The following CST7 variants were observed in gnomAD, a reference collection of about 807,000 sequenced individuals.
CST7 encodes the protein cystatin-F.
Under a neutral mutation model 13.1 loss-of-function variants are expected in CST7, and 15 were observed. The ratio of observed to expected loss-of-function variants is 1.14; its 90% CI spans 0.77 to 1.76. CST7 has a LOEUF of 1.76. CST7 is among the 40% of genes most tolerant of loss of function. The pLI, the probability that CST7 is intolerant of heterozygous loss-of-function variation, is 0.00. For synonymous variants in CST7, 75 were observed against 66.9 expected, an observed-to-expected ratio of 1.12 and a Z score of -0.59; for missense variants, 193 against 178.8, an observed-to-expected ratio of 1.08 and a Z score of -0.45.
intron 1 of CST7, among the ~76,000 whole-genome samples, chr20:24,955,059 A>G (rs939176292): frequency 6.6e-6 from 1 of 152,122 alleles, no homozygotes; most frequent in Non-Finnish European, 1.5e-5. Context: ...CAACAACAAA[A>G]AAAAACGCTA....
intron 1 of CST7, among the ~76,000 whole-genome samples, chr20:24,955,828 C>T (rs1008181490): frequency 5.3e-5 from 8 of 152,156 alleles, no homozygotes; most frequent in Non-Finnish European, 1.0e-4. Context: ...GGCATGCCAG[C>T]GCAGGACACA....
chr20:24,950,656 G>A (rs1423601059), intron 1 of CST7, among the ~76,000 whole-genome samples: 1 of 152,206 alleles, frequency 6.6e-6, no homozygotes, highest in Non-Finnish European at 1.5e-5. Flanking sequence ...GCTGACCCAT[G>A]GCTGGCAGAA....
At chr20:24,959,498 T>A in intron 3 of CST7, 137 bp from the exon 4 acceptor site, 1 of 718,238 alleles carries the variant, frequency 1.4e-6, no homozygotes, top group Non-Finnish European at 2.4e-6. Context: ...TCTTTCAAGT[T>A]TTCTGTAGGT....
intron 1 of CST7, 98 bp from the exon 2 acceptor site, chr20:24,957,189 C>A: frequency 8.0e-7 from 1 of 1,252,048 alleles, no homozygotes; most frequent in Non-Finnish European, 1.1e-6. Flanking sequence ...ACACACACGC[C>A]AGCAGAGAAC....
At position 24,949,494 on chromosome 20, in the gene CST7, A is replaced by G; in HGVS notation, c.-12A>G. 6.2e-7 allele frequency: 1 copy of G among 1,613,814 alleles called. No homozygotes were observed. The highest frequency in any genetic ancestry group is 8.5e-7 in the Non-Finnish European group (1 of 1,179,968). On this transcript the variant is annotated 5_prime_UTR_variant, in exon 1 of 4. Transcript: ENST00000480798. ...CCCCCAACTGCCCCGCACTGTCCCTACCCGGGCAGCCATGCGAGCGGCTGG... is the reference window on the plus strand; with the variant it reads ...CCCCCAACTGCCCCGCACTGTCCCTGCCCGGGCAGCCATGCGAGCGGCTGG...
intron 1 of CST7, among the ~76,000 whole-genome samples, chr20:24,955,091 G>A (rs1380138927): frequency 1.3e-5 from 2 of 151,772 alleles, no homozygotes. Context: ...AAAATACACT[G>A]AACACATGCT....
chr20:24,959,142 C>A, intron 3 of CST7, 98 bp downstream of exon 3: 6 of 956,338 alleles, frequency 6.3e-6, no homozygotes, highest in South Asian at 4.3e-5. Flanking sequence ...TCTAACGCAG[C>A]GCCCCAAACC....
intron 1 of CST7, among the ~76,000 whole-genome samples, chr20:24,955,096 CATGCTACCCCTTCCAT>C (rs2087845052): frequency 1.3e-5 from 2 of 151,980 alleles, no homozygotes; most frequent in Non-Finnish European, 2.9e-5. Flanking sequence ...ACACTGAACA[CATGCTACCCCTTCCAT>C]ACACGTGTCT....
At chr20:24,951,711 A>G (rs1053384908) in intron 1 of CST7, among the ~76,000 whole-genome samples, 2 of 152,118 alleles carry the variant, frequency 1.3e-5, no homozygotes, top group Non-Finnish European at 2.9e-5. Context: ...CTCCACACCC[A>G]TGCACTGAAC....
At chr20:24,957,586 A>G in intron 2 of CST7, 127 bp downstream of exon 2, 1 of 926,378 alleles carries the variant, frequency 1.1e-6, no homozygotes, top group Non-Finnish European at 1.7e-6. Context: ...CTCTGAGCAG[A>G]AAGCAGATGC....
In CST7 at chr20:24,957,267, T is replaced by C; in HGVS notation, c.71-20T>C. 2 of 1,608,490 alleles carry C rather than the reference T, an allele frequency of 1.2e-6. No individual in the cohort carries two copies. Among genetic ancestry groups the C allele is most frequent in the Non-Finnish European group, 1.7e-6 (2 of 1,177,244 alleles). On this transcript the variant is annotated intron_variant, in intron 1 of 3. Transcript: ENST00000480798. ...CCCCACTAACATCAGTGTTCTTGTC[T>C]GGCTCTTTGTCTCTTTCAGATACTT...
chr20:24,957,521 G>A lies in CST7; in HGVS notation c.243+62G>A, dbSNP rs576574848. The A allele has an allele frequency of 2.0e-3, 2,965 of 1,514,326 alleles. 4 individuals carry two copies. Among genetic ancestry groups the A allele is most frequent in the Non-Finnish European group, 2.3e-3 (2,523 of 1,102,244 alleles). The allele number at this position is 1,514,326 out of a possible 1,614,324, so 93.8% of individuals were successfully genotyped here. ...CCCTAGGAAGCCGAGCTGCTACAAC[G>A]CGACACCTAGGAGAGCAGGGCGGAT... is the stretch of plus-strand genomic sequence containing the variant. On this transcript the variant is annotated intron_variant, in intron 2 of 3. Transcript: ENST00000480798.
At chr20:24,949,682 G>A in intron 1 of CST7, 107 bp downstream of exon 1, 1 of 1,422,060 alleles carries the variant, frequency 7.0e-7, no homozygotes, top group Non-Finnish European at 9.6e-7. Context: ...AGCCCCCACA[G>A]GACCATGCGG....
intron 2 of CST7, among the ~76,000 whole-genome samples, chr20:24,958,510 AG>A (rs1365352252): frequency 1.3e-5 from 2 of 152,346 alleles, no homozygotes; most frequent in African/African-American, 4.8e-5. Context: ...CAAGTGGAGA[AG>A]GGCTGTCCAG....
chr20:24,955,446 C>CT (rs777745036), intron 1 of CST7, among the ~76,000 whole-genome samples: 3,014 of 133,394 alleles, frequency 0.023, 50 homozygotes, highest in East Asian at 0.054. Context: ...GGCCTAAAGT[C>CT]TTTTTTTTTT....
Position 24,959,892 on chromosome 20 carries a change from AAC to A in CST7, c.*182_*183del, listed in dbSNP as rs112969765. On this transcript the variant is annotated 3_prime_UTR_variant, in exon 4 of 4. Coordinates refer to ENST00000480798, the MANE Select transcript of CST7 (RefSeq NM_003650.4). ...GAATGGCAGCATGGTAGCACCTCCT[AAC>A]AGATTAAATAGATCACATTTGCTTC... 1,358 of 613,410 alleles carry A rather than the reference AAC, an allele frequency of 2.2e-3. 18 individuals carry two copies. The African/African-American group carries it at 0.022, about 10-fold the overall frequency. The allele number at this position is 613,410 out of a possible 1,614,324, so 38.0% of individuals were successfully genotyped here. A position where few individuals can be genotyped will look rare whatever the true frequency, so the allele number is the denominator to read the frequency against.
rs2087803725 is a variant in CST7, at chr20:24,949,280, C to G, written c.-226C>G. Reference sequence around the variant, plus strand: ...GGCTGGGACAGCCCACTGTTCCATGCTGCCCAAGAAGGCTCAGCACAGGCA... The same window carrying G: ...GGCTGGGACAGCCCACTGTTCCATGGTGCCCAAGAAGGCTCAGCACAGGCA... On this transcript the variant is annotated 5_prime_UTR_variant, in exon 1 of 4. Transcript: ENST00000480798. 1 of 1,366,386 alleles carries G rather than the reference C, an allele frequency of 7.3e-7. No homozygotes were observed. Among genetic ancestry groups the G allele is most frequent in the Non-Finnish European group, 9.8e-7 (1 of 1,020,162 alleles). The allele number at this position is 1,366,386 out of a possible 1,614,324, so 84.6% of individuals were successfully genotyped here. A position where few individuals can be genotyped will look rare whatever the true frequency, so the allele number is the denominator to read the frequency against.
rs140113054 is a variant in CST7 at position 24,957,154 on chromosome 20, C to T, written c.71-133C>T. Reference sequence around the variant, plus strand: ...TGACAGGGGTAGGTAAGAGGGGGAGCAGGTGAGGGGTGGGTAGGGCCAGGA... The same window carrying T: ...TGACAGGGGTAGGTAAGAGGGGGAGTAGGTGAGGGGTGGGTAGGGCCAGGA... On this transcript the variant is annotated intron_variant, in intron 1 of 3. Coordinates refer to ENST00000480798, the MANE Select transcript of CST7 (RefSeq NM_003650.4). 6.7e-5 allele frequency: 35 copies of T among 518,816 alleles called. No homozygotes were observed. The East Asian group carries it at 1.6e-3, about 23-fold the overall frequency. The allele number at this position is 518,816 out of a possible 1,614,324, so 32.1% of individuals were successfully genotyped here.
At chr20:24,951,294 G>A (rs542430363) in intron 1 of CST7, among the ~76,000 whole-genome samples, 39 of 152,324 alleles carry the variant, frequency 2.6e-4, no homozygotes, top group African/African-American at 8.4e-4. Flanking sequence ...GCTGAACAGA[G>A]GTGGCTCGGG....
Sources: gnomAD v4.1 joint callset for allele counts (sites outside exome capture counted in the v4.1 genomes callset) on GRCh38, gnomAD v4.1.1 for gene constraint, MANE v1.5 for transcripts, NCBI Gene and HGNC (gene_info 2026-07-23, HGNC 2026-07-21) for gene names.